Variants in MICAL3 observed in about 807,000 individuals in gnomAD.
The protein encoded by MICAL3 is microtubule associated monooxygenase, calponin and LIM domain containing 3, also known as [F-actin]-monooxygenase MICAL3.
A neutral mutation model predicts 207.4 loss-of-function variants in MICAL3; 62 were observed. The observed-to-expected ratio is 0.30, with a 90% CI of 0.24 to 0.37. The LOEUF is 0.37. Among genes scored for constraint, MICAL3 ranks in the 10% least tolerant of loss-of-function variants. MICAL3 has a pLI of 1.00. For missense variants in MICAL3, 2,368 were observed against 2,635.6 expected (o/e 0.90, Z 2.22); for synonymous variants, 1,077 against 1,069.3 (o/e 1.01, Z -0.14).
rs761439513 is a variant in MICAL3, at chr22:17,817,964, C to T, written c.4697G>A (p.Gly1566Glu). ...PRHPPLAKEN[G>E]RLPALEGTLQ... The stretch of plus-strand genomic sequence containing the variant: ...CGTCCCCTCCAGAGCAGGCAGCCTC[C>T]CGTTCTCCTTGGCCAGGGGCGGGTG... The change falls in exon 26 of 32, where the codon GGG (glycine) becomes GAG (glutamate). Residue 1566 changes from glycine to glutamate, a missense_variant. Around this residue, in one of 4 missense-constraint regions of MICAL3, gnomAD observed 1,770 missense variants for 1,863.2 expected, o/e 0.95. Transcript: ENST00000441493. 6.2e-6 allele frequency: 10 copies of T among 1,612,548 alleles called. No homozygotes were observed. In the Admixed American group the frequency reaches 1.7e-4, roughly 27 times the overall value.
At chr22:18,007,944 A>AAG (rs1923504959) in intron 1 of MICAL3, among the ~76,000 whole-genome samples, 1 of 150,152 alleles carries the variant, frequency 6.7e-6, no homozygotes, top group African/African-American at 2.5e-5. Flanking sequence ...AAAAAAAAAA[A>AAG]AAAAATGCAT....
chr22:17,821,280 G>C, intron 25 of MICAL3, 147 bp downstream of exon 25: 2 of 636,660 alleles, frequency 3.1e-6, no homozygotes, highest in Middle Eastern at 4.3e-4. Flanking sequence ...ATAGTTTTCA[G>C]TCTTCCTCAG....
In MICAL3 at chr22:17,907,169, G is replaced by A. The variant is rs113327203; in HGVS notation, c.-74-283C>T. Among the ~76,000 whole-genome samples, 1,178 of 152,190 alleles carry A rather than the reference G, an allele frequency of 7.7e-3. 11 individuals carry two copies. The highest frequency in any genetic ancestry group is 0.027 in the African/African-American group (1,108 of 41,532). On this transcript the variant is annotated intron_variant, in intron 1 of 31. Coordinates refer to ENST00000441493, the MANE Select transcript of MICAL3 (RefSeq NM_015241.3). ...AGTGCCACTAGAGAGGGAGACACAAGGCCATCTCGGAAACAGAGAAAGAGG... is the reference window on the plus strand; with the variant it reads ...AGTGCCACTAGAGAGGGAGACACAAAGCCATCTCGGAAACAGAGAAAGAGG...
intron 1 of MICAL3, among the ~76,000 whole-genome samples, chr22:17,976,874 T>C (rs1935682609): frequency 6.6e-6 from 1 of 150,916 alleles, no homozygotes; most frequent in African/African-American, 2.4e-5. Flanking sequence ...TGGCGTGATC[T>C]CGGCTCACTG....
chr22:18,012,416 C>A (rs1313385839), intron 1 of MICAL3, among the ~76,000 whole-genome samples: 1 of 152,166 alleles, frequency 6.6e-6, no homozygotes, highest in Non-Finnish European at 1.5e-5. Context: ...TGGGGAGGGA[C>A]CCTCTTTCAA....
chr22:17,949,298 A>G (rs1229079623), intron 1 of MICAL3, among the ~76,000 whole-genome samples: 1 of 152,250 alleles, frequency 6.6e-6, no homozygotes, highest in African/African-American at 2.4e-5. Flanking sequence ...GGCTAAGTAC[A>G]TACACCCAGC....
rs751076102 is a variant in MICAL3, at chr22:17,976,561, G to GTATATA, written c.-75+47714_-75+47719dup. ...TGTGTGTGTGTGTGTGTGTGTGTGTGTATATATATATATATATATATATAT... is the reference window on the plus strand; with the variant it reads ...TGTGTGTGTGTGTGTGTGTGTGTGTGTATATATATATATATATATATATATATATAT... On this transcript the variant is annotated intron_variant, in intron 1 of 31. Transcript: ENST00000441493. Among the ~76,000 whole-genome samples, 232 of 79,982 alleles carry GTATATA rather than the reference G, an allele frequency of 2.9e-3. 1 individual carries two copies. Among genetic ancestry groups the GTATATA allele is most frequent in the African/African-American group, 4.2e-3 (72 of 17,238 alleles). 52.5% of individuals were successfully genotyped at this position (79,982 alleles called of 152,430 possible).
At chr22:17,932,709 G>A (rs1008483520) in intron 1 of MICAL3, among the ~76,000 whole-genome samples, 1 of 152,160 alleles carries the variant, frequency 6.6e-6, no homozygotes, top group Non-Finnish European at 1.5e-5. Flanking sequence ...AGACCCATCA[G>A]TGTGCTGTAT....
intron 15 of MICAL3, among the ~76,000 whole-genome samples, chr22:17,886,591 G>T (rs1929889608): frequency 6.6e-6 from 1 of 151,952 alleles, no homozygotes; most frequent in Non-Finnish European, 1.5e-5. Flanking sequence ...GATCACTTGA[G>T]GTCAGGAGTT....
intron 1 of MICAL3, among the ~76,000 whole-genome samples, chr22:17,918,806 C>T (rs775008832): frequency 3.9e-5 from 6 of 152,144 alleles, no homozygotes; most frequent in Non-Finnish European, 7.3e-5. Flanking sequence ...CTCTTCCCTC[C>T]GATCCGTTCA....
At chr22:17,906,404 T>C in intron 2 of MICAL3, 145 bp downstream of exon 2, 2 of 1,531,746 alleles carry the variant, frequency 1.3e-6, no homozygotes, top group Non-Finnish European at 1.8e-6. Context: ...ATATGGTCGA[T>C]GGCTCTGGCA....
chr22:17,818,937 G>T lies in MICAL3; in HGVS notation c.3724C>A (p.Pro1242Thr). 1 of 1,588,014 alleles carries T rather than the reference G, an allele frequency of 6.3e-7. No individual in the cohort carries two copies. The change falls in exon 26 of 32, where the codon CCG (proline) becomes ACG (threonine). Residue 1242 changes from proline to threonine, a missense_variant. By Grantham distance (38) the Pro-to-Thr change is conservative. Around this residue, in one of 4 missense-constraint regions of MICAL3, gnomAD observed 1,770 missense variants for 1,863.2 expected, o/e 0.95. Transcript: ENST00000441493. ...EARTPVSPGS[P>T]QPQPPVAAST... ...GCCGCCACGGGTGGCTGGGGCTGCGGGCTCCCTGGTGAGACAGGAGTCCTA... is the reference window on the plus strand; with the variant it reads ...GCCGCCACGGGTGGCTGGGGCTGCGTGCTCCCTGGTGAGACAGGAGTCCTA...
chr22:17,981,580 G>A (rs1331981716), intron 1 of MICAL3, among the ~76,000 whole-genome samples: 1 of 151,980 alleles, frequency 6.6e-6, no homozygotes, highest in East Asian at 1.9e-4. Flanking sequence ...TTGTGTTTGC[G>A]AGTGTCCATG....
At chr22:17,925,343 C>CTAT (rs1556413192) in intron 1 of MICAL3, among the ~76,000 whole-genome samples, 3 of 152,174 alleles carry the variant, frequency 2.0e-5, no homozygotes, top group Non-Finnish European at 4.4e-5. Flanking sequence ...TTTTCTATAC[C>CTAT]ACTTGATTGC....
intron 1 of MICAL3, among the ~76,000 whole-genome samples, chr22:17,990,766 A>G (rs991512865): frequency 1.4e-4 from 22 of 152,196 alleles, no homozygotes; most frequent in African/African-American, 5.3e-4. Context: ...GTAACTCTGT[A>G]AGATTGTCAT....
intron 1 of MICAL3, among the ~76,000 whole-genome samples, chr22:17,933,951 T>C (rs1403814304): frequency 1.3e-5 from 2 of 152,088 alleles, no homozygotes; most frequent in African/African-American, 4.8e-5. Flanking sequence ...AATAGACCAA[T>C]AACAGTCTCT....
chr22:17,834,094 G>A (rs1195636466), intron 20 of MICAL3, among the ~76,000 whole-genome samples: 1 of 152,222 alleles, frequency 6.6e-6, no homozygotes, highest in African/African-American at 2.4e-5. Context: ...GGGGTCAGAA[G>A]TGGGGCAGTC....
intron 1 of MICAL3, among the ~76,000 whole-genome samples, chr22:17,983,794 A>G (rs1936036482): frequency 6.6e-6 from 1 of 152,138 alleles, no homozygotes; most frequent in Admixed American, 6.5e-5. Flanking sequence ...GCCACTTCCT[A>G]TGGAAGAACC....
At chr22:17,861,403 C>A in intron 19 of MICAL3, 1 of 985,434 alleles carries the variant, frequency 1.0e-6, no homozygotes. Context: ...TGCTTCTCCC[C>A]GTCCATCTCT....
Sources: allele counts gnomAD v4.1 joint callset (sites outside exome capture counted in the v4.1 genomes callset), GRCh38; gene constraint gnomAD v4.1.1; regional missense constraint gnomAD v4.1.1; transcripts MANE v1.5; gene names NCBI Gene and HGNC (gene_info 2026-07-23, HGNC 2026-07-21).